Variants in PCDHGA3 observed in about 807,000 individuals in gnomAD.
PCDHGA3 encodes protocadherin gamma-A3.
A neutral mutation model predicts 58.5 loss-of-function variants in PCDHGA3; 40 were observed. The observed-to-expected ratio is 0.68, with a 90% CI of 0.53 to 0.89. The LOEUF (loss-of-function observed/expected upper bound fraction) is 0.89, where lower values mean the gene tolerates loss of function less well. PCDHGA3 is among the 40% of genes least tolerant of loss of function. PCDHGA3 has a pLI of 0.00. For synonymous variants in PCDHGA3, 530 were observed against 525.7 expected (o/e 1.01, Z -0.11); for missense variants, 1,223 against 1,195.9 (o/e 1.02, Z -0.33).
chr5:141,419,831 G>A, intron 1 of PCDHGA3: 5 of 1,614,048 alleles, frequency 3.1e-6, no homozygotes, highest in Non-Finnish European at 4.2e-6. Context: ...TTCAGCCACT[G>A]CCACGCTGCA....
Position 141,511,089 on chromosome 5 carries a change from C to T in PCDHGA3, c.2715C>T (p.Thr905=). The change falls in exon 4 of 4, where the codon ACC becomes ACT. Residue 905 remains threonine (T), a synonymous_variant. Transcript: ENST00000253812. ...TCCCAGGCAGCAATGCCACACTGAC[C>T]AACGCAGCTGGCAAGCGGGATGGCA... is the stretch of plus-strand genomic sequence containing the variant. ...VYIPGSNATL[T]NAAGKRDGKA... 1 of 1,614,212 alleles carries T rather than the reference C, an allele frequency of 6.2e-7. No individual in the cohort carries two copies. Among genetic ancestry groups the T allele is most frequent in the Non-Finnish European group, 8.5e-7 (1 of 1,180,026 alleles).
At chr5:141,461,011 A>G (rs971172615) in intron 1 of PCDHGA3, among the ~76,000 whole-genome samples, 2 of 151,288 alleles carry the variant, frequency 1.3e-5, no homozygotes, top group Non-Finnish European at 2.9e-5. Context: ...ATATATATAT[A>G]CCACATTTTC....
At position 141,413,783 on chromosome 5, in the gene PCDHGA3, C is replaced by T. The variant is rs1418394305; in HGVS notation, c.2424+67326C>T. 3.7e-6 allele frequency: 6 copies of T among 1,613,096 alleles called. No individual in the cohort carries two copies. Among genetic ancestry groups the T allele is most frequent in the Non-Finnish European group, 4.2e-6 (5 of 1,179,878 alleles). On this transcript the variant is annotated intron_variant, in intron 1 of 3. Coordinates refer to ENST00000253812, the MANE Select transcript of PCDHGA3 (RefSeq NM_018916.4). ...TACCCGGAGCTGGTACTGGAGCACT[C>T]CCTAGATCGCGAGGAAGAGGCCATT...
intron 1 of PCDHGA3, among the ~76,000 whole-genome samples, chr5:141,425,459 C>A (rs2096876834): frequency 6.6e-6 from 1 of 152,200 alleles, no homozygotes; most frequent in African/African-American, 2.4e-5. Flanking sequence ...CATCACATTT[C>A]ATGTTATTAA....
At chr5:141,398,942 G>A (rs748252181) in intron 1 of PCDHGA3, 2 of 1,613,884 alleles carry the variant, frequency 1.2e-6, no homozygotes, top group South Asian at 1.1e-5. Context: ...CAAGACGAGG[G>A]CATCAACTCA....
At chr5:141,364,651 C>T in intron 1 of PCDHGA3, 3 of 1,614,064 alleles carry the variant, frequency 1.9e-6, no homozygotes, top group Non-Finnish European at 2.5e-6. Flanking sequence ...TGAACTTTAA[C>T]ATCTTGGTTG....
Position 141,366,326 on chromosome 5 carries a change from G to A in PCDHGA3, c.2424+19869G>A, listed in dbSNP as rs377206764. ...CTTCACGGTCACCGTTGCCGTGGCCGACAGGATCCCTGACATCCTGGCTGA... is the reference window on the plus strand; with the variant it reads ...CTTCACGGTCACCGTTGCCGTGGCCAACAGGATCCCTGACATCCTGGCTGA... On this transcript the variant is annotated intron_variant, in intron 1 of 3. Coordinates refer to ENST00000253812, the MANE Select transcript of PCDHGA3 (RefSeq NM_018916.4). 4 of 1,613,810 alleles carry A rather than the reference G, an allele frequency of 2.5e-6. No individual in the cohort carries two copies. The African/African-American group carries it at 4.0e-5, about 16-fold the overall frequency.
At chr5:141,371,602 G>A in intron 1 of PCDHGA3, 1 of 1,613,990 alleles carries the variant, frequency 6.2e-7, no homozygotes, top group East Asian at 2.2e-5. Context: ...AACACATACA[G>A]GTTGGTGACA....
intron 1 of PCDHGA3, chr5:141,360,453 C>T (rs1467888635): frequency 4.3e-6 from 7 of 1,613,864 alleles, no homozygotes; most frequent in Non-Finnish European, 5.9e-6. Context: ...TTCTGGATTT[C>T]GATACTGTCG....
rs771729172 is a variant in PCDHGA3, at chr5:141,344,422, C to T, written c.389C>T (p.Ala130Val). ...EIEIKDINDNAPNFPTEELEI... is the reference protein window; with the variant it reads ...EIEIKDINDNVPNFPTEELEI... ...GAAATTAAAGATATTAATGATAATG[C>T]TCCTAATTTCCCAACAGAGGAATTG... Residue 130 changes from alanine to valine, a missense_variant, in exon 1 of 4, where the codon GCT becomes GTT. Ala to Val is a moderately conservative substitution (Grantham distance 64). Around this residue, in one of 3 missense-constraint regions of PCDHGA3, gnomAD observed 791 missense variants for 708.5 expected, o/e 1.12. Coordinates refer to ENST00000253812, the MANE Select transcript of PCDHGA3 (RefSeq NM_018916.4). 52 of 1,612,410 alleles carry T rather than the reference C, an allele frequency of 3.2e-5. No homozygotes were observed. Among genetic ancestry groups the T allele is most frequent in the Non-Finnish European group, 4.3e-5 (51 of 1,179,054 alleles).
intron 1 of PCDHGA3, chr5:141,405,363 C>G (rs765508317): frequency 5.0e-6 from 8 of 1,613,808 alleles, no homozygotes; most frequent in Non-Finnish European, 6.8e-6. Context: ...ATAGAAGACA[C>G]CCCTTTGGTT....
intron 1 of PCDHGA3, chr5:141,383,554 G>A (rs773842723): frequency 1.9e-6 from 3 of 1,612,524 alleles, no homozygotes; most frequent in Non-Finnish European, 2.5e-6. Context: ...TGATGGCGGC[G>A]ACCCGCCCCG....
chr5:141,459,827 A>T (rs779024675), intron 1 of PCDHGA3, among the ~76,000 whole-genome samples: 1 of 152,126 alleles, frequency 6.6e-6, no homozygotes, highest in Non-Finnish European at 1.5e-5. Context: ...GCAACTTTTC[A>T]TGTGTTGTCT....
intron 1 of PCDHGA3, chr5:141,408,159 C>T (rs1408291996): frequency 3.9e-5 from 59 of 1,516,228 alleles, no homozygotes; most frequent in Non-Finnish European, 5.2e-5. Context: ...AGTGCACTTT[C>T]TCCAACTGGA....
At chr5:141,482,570 C>A (rs2099568543) in intron 1 of PCDHGA3, among the ~76,000 whole-genome samples, 1 of 144,954 alleles carries the variant, frequency 6.9e-6, no homozygotes, top group African/African-American at 2.6e-5. Context: ...ATCTGCATAG[C>A]ATAAGATGCA....
chr5:141,372,451 C>A (rs749000608), intron 1 of PCDHGA3: 1 of 1,614,042 alleles, frequency 6.2e-7, no homozygotes, highest in East Asian at 2.2e-5. Context: ...GACCCTCAGG[C>A]GGAGCTACAG....
In PCDHGA3 at chr5:141,511,555, C is replaced by T; in HGVS notation, c.*382C>T. 1 of 305,302 alleles carries T rather than the reference C, an allele frequency of 3.3e-6. No individual in the cohort carries two copies. Among genetic ancestry groups the T allele is most frequent in the South Asian group, 3.6e-5 (1 of 28,078 alleles). 18.9% of individuals were successfully genotyped at this position (305,302 alleles called of 1,614,324 possible). ...CCTCCCCACCCCACTCCAACAGTTC[C>T]TCTTTCCCGAGTAAGGTGGTTGGGG... On this transcript the variant is annotated 3_prime_UTR_variant, in exon 4 of 4. Coordinates refer to ENST00000253812, the MANE Select transcript of PCDHGA3 (RefSeq NM_018916.4).
intron 1 of PCDHGA3, chr5:141,365,152 C>T (rs747695499): frequency 1.2e-6 from 2 of 1,613,880 alleles, no homozygotes; most frequent in Non-Finnish European, 1.7e-6. Flanking sequence ...AGGGAATAAA[C>T]GGGAAATTGA....
At chr5:141,478,766 T>C in intron 1 of PCDHGA3, 2 of 1,505,456 alleles carry the variant, frequency 1.3e-6, no homozygotes, top group Non-Finnish European at 1.8e-6. Flanking sequence ...GATACTTGAC[T>C]CATCTGTGGA....
Sources: allele counts gnomAD v4.1 joint callset (sites outside exome capture counted in the v4.1 genomes callset), GRCh38; gene constraint gnomAD v4.1.1; regional missense constraint gnomAD v4.1.1; transcripts MANE v1.5; gene names NCBI Gene and HGNC (gene_info 2026-07-23, HGNC 2026-07-21).